Variants in ARFIP1 observed in about 807,000 individuals in gnomAD.
ARFIP1 encodes arfaptin-1.
Under a neutral mutation model 42.5 loss-of-function variants are expected in ARFIP1, and 24 were observed. The observed-to-expected ratio is 0.57, with a 90% confidence interval of 0.41 to 0.80. ARFIP1 has a LOEUF of 0.80. ARFIP1 is among the 30% of genes least tolerant of loss of function. ARFIP1 has a pLI of 0.00. For synonymous variants in ARFIP1, 141 were observed against 153.7 expected (o/e 0.92, Z 0.61); for missense variants, 354 against 434.0 (o/e 0.82, Z 1.64).
In ARFIP1 at chr4:152,910,188, T is replaced by C. The variant is rs1204943247; in HGVS notation, c.1091T>C (p.Val364Ala). Residue 364 changes from valine (V) to alanine (A), a missense_variant, in exon 9 of 9, where the codon GTG becomes GCG. By Grantham distance (64) the Val-to-Ala change is moderately conservative (BLOSUM62 0). Transcript: ENST00000353617. ...CATATCAAATTGAAAACCCCTGGAG[T>C]GGATGCCCCATCTTGGCTTGAAGAA... The part of the protein sequence containing the change: ...QFHIKLKTPG[V>A]DAPSWLEEQ 2 of 1,612,570 alleles carry C rather than the reference T, an allele frequency of 1.2e-6. No individual in the cohort carries two copies. Among genetic ancestry groups the C allele is most frequent in the Non-Finnish European group, 1.7e-6 (2 of 1,179,534 alleles).
At chr4:152,831,939 C>A (rs1008318544) in intron 2 of ARFIP1, among the ~76,000 whole-genome samples, 1 of 151,408 alleles carries the variant, frequency 6.6e-6, no homozygotes, top group Non-Finnish European at 1.5e-5. Context: ...TTGCCCCCCA[C>A]CCCCCGAGTA....
At chr4:152,804,500 A>T (rs553039912) in intron 1 of ARFIP1, among the ~76,000 whole-genome samples, 1,402 of 121,478 alleles carry the variant, frequency 0.012, 44 homozygotes, top group African/African-American at 0.042. Context: ...ATATATATAT[A>T]ATATATATAT....
intron 2 of ARFIP1, among the ~76,000 whole-genome samples, chr4:152,846,897 CTG>C (rs1159839997): frequency 6.8e-6 from 1 of 146,110 alleles, no homozygotes; most frequent in African/African-American, 2.5e-5. Context: ...GCTGGTGTCA[CTG>C]TGGCACAGGC....
chr4:152,822,688 T>C (rs960177591), intron 1 of ARFIP1, among the ~76,000 whole-genome samples: 1 of 152,190 alleles, frequency 6.6e-6, no homozygotes, highest in Non-Finnish European at 1.5e-5. Context: ...AATAATTTTT[T>C]AAAAATCAGA....
chr4:152,847,673 A>C (rs1422798962), intron 2 of ARFIP1, among the ~76,000 whole-genome samples: 1 of 152,144 alleles, frequency 6.6e-6, no homozygotes, highest in Non-Finnish European at 1.5e-5. Flanking sequence ...CTGATTTGTA[A>C]ACTGTGTGTA....
At chr4:152,903,032 T>C (rs1311470909) in intron 8 of ARFIP1, among the ~76,000 whole-genome samples, 2 of 152,262 alleles carry the variant, frequency 1.3e-5, no homozygotes, top group Non-Finnish European at 2.9e-5. Flanking sequence ...ATTCCTTTTC[T>C]AATACTACTT....
chr4:152,845,508 C>CAA (rs746486010), intron 2 of ARFIP1, among the ~76,000 whole-genome samples: 2 of 151,752 alleles, frequency 1.3e-5, no homozygotes, highest in African/African-American at 4.8e-5. Flanking sequence ...ATTGAACAAG[C>CAA]AAAAAACAAC....
chr4:152,816,923 A>G lies in ARFIP1; in HGVS notation c.-9-12702A>G, dbSNP rs551315738. ...TGTTATCGTACAAGATTTAGCTTAA[A>G]TGTTACCTCTGTTAAGTTTTTCATC... On this transcript the variant is annotated intron_variant, in intron 1 of 8. Coordinates refer to ENST00000353617, the MANE Select transcript of ARFIP1 (RefSeq NM_001025595.3). Among the ~76,000 whole-genome samples, 3 of 152,298 alleles carry G rather than the reference A, an allele frequency of 2.0e-5. 1 individual carries two copies. The South Asian group carries it at 6.2e-4, about 32-fold the overall frequency.
At chr4:152,813,505 A>G (rs1314952813) in intron 1 of ARFIP1, among the ~76,000 whole-genome samples, 1 of 151,970 alleles carries the variant, frequency 6.6e-6, no homozygotes, top group Admixed American at 6.6e-5. Flanking sequence ...AATGTTGATT[A>G]TTGGAATATT....
chr4:152,881,196 C>G lies in ARFIP1; in HGVS notation c.633+12C>G. The G allele has an allele frequency of 6.4e-7, 1 of 1,563,116 alleles. No individual in the cohort carries two copies. The stretch of plus-strand genomic sequence containing the variant: ...CACTAGAACTTCATGTAAGATTATT[C>G]TAAATAACTATTAGGGATGGGAGAA... On this transcript the variant is annotated intron_variant, in intron 6 of 8. Transcript: ENST00000353617.
In ARFIP1 at chr4:152,888,152, C is replaced by T. The variant is rs776711621; in HGVS notation, c.811C>T (p.Arg271Cys). The T allele has an allele frequency of 9.9e-6, 16 of 1,608,306 alleles. No individual in the cohort carries two copies. The highest frequency in any genetic ancestry group is 1.3e-5 in the Non-Finnish European group (15 of 1,177,896). Residue 271 changes from arginine (R) to cysteine (C), a missense_variant, in exon 8 of 9, where the codon CGC (arginine) becomes TGC (cysteine). Arg to Cys is a radical substitution (Grantham distance 180, BLOSUM62 -3). Coordinates refer to ENST00000353617, the MANE Select transcript of ARFIP1 (RefSeq NM_001025595.3). ...ESARIEYDAY[R>C]TDLEELNLGP... is the part of the protein sequence containing the mutation. ...TTCCAGGATTGAATATGATGCATATCGCACTGATTTGGAAGAACTGAATCT... is the reference window on the plus strand; with the variant it reads ...TTCCAGGATTGAATATGATGCATATTGCACTGATTTGGAAGAACTGAATCT...
intron 1 of ARFIP1, among the ~76,000 whole-genome samples, chr4:152,782,656 A>G (rs1561091598): frequency 6.6e-6 from 1 of 152,236 alleles, no homozygotes; most frequent in Admixed American, 6.5e-5. Context: ...AAAACAAACA[A>G]GATGTTTCAG....
intron 1 of ARFIP1, among the ~76,000 whole-genome samples, chr4:152,819,216 C>T (rs377528198): frequency 8.7e-4 from 132 of 152,270 alleles, no homozygotes; most frequent in East Asian, 5.0e-3. Flanking sequence ...GGCACAGCCC[C>T]GTTACAGCAT....
At chr4:152,908,347 C>CGGGCACGGTGACTCACGCCT (rs961452880) in intron 8 of ARFIP1, among the ~76,000 whole-genome samples, 1 of 152,096 alleles carries the variant, frequency 6.6e-6, no homozygotes, top group Non-Finnish European at 1.5e-5. Context: ...AATATTAGGC[C>CGGGCACGGTGACTCACGCCT]GGGCACGGTG....
Position 152,842,858 on chromosome 4 carries a change from C to T in ARFIP1, c.93+13132C>T, listed in dbSNP as rs142925950. Among the ~76,000 whole-genome samples the T allele has an allele frequency of 6.1e-3, 926 of 151,804 alleles. 13 individuals are homozygous for T. The highest frequency in any genetic ancestry group is 0.021 in the African/African-American group (884 of 41,402). On this transcript the variant is annotated intron_variant, in intron 2 of 8. Coordinates refer to ENST00000353617, the MANE Select transcript of ARFIP1 (RefSeq NM_001025595.3). ...TTTTGGATTTCCTTGCATTGGTCTT[C>T]GCATTTCTCTGGTCCCTCCCTGGTT...
chr4:152,849,251 T>C (rs1397164753), intron 2 of ARFIP1, among the ~76,000 whole-genome samples: 4 of 152,088 alleles, frequency 2.6e-5, no homozygotes, highest in Non-Finnish European at 2.9e-5. Context: ...CCCTTATTTA[T>C]AAACAAAAGC....
chr4:152,866,615 G>A (rs562114129), intron 3 of ARFIP1, among the ~76,000 whole-genome samples: 69 of 151,896 alleles, frequency 4.5e-4, no homozygotes, highest in Non-Finnish European at 7.8e-4. Flanking sequence ...TCTCCTGGAC[G>A]GGGCGGCTGT....
intron 8 of ARFIP1, among the ~76,000 whole-genome samples, chr4:152,894,572 G>C (rs1737154488): frequency 6.6e-6 from 1 of 152,008 alleles, no homozygotes; most frequent in Non-Finnish European, 1.5e-5. Flanking sequence ...GTGCTCCTAG[G>C]GAAAGTGAGA....
At position 152,864,605 on chromosome 4, in the gene ARFIP1, G is replaced by C. The variant is rs144088462; in HGVS notation, c.202+891G>C. On this transcript the variant is annotated intron_variant, in intron 3 of 8. Coordinates refer to ENST00000353617, the MANE Select transcript of ARFIP1 (RefSeq NM_001025595.3). ...AAACTCCATGCTTGGGATTTTTACT[G>C]GGGGCTGATCACATAGGTTTCTCCA... is the stretch of plus-strand genomic sequence containing the variant. Among the ~76,000 whole-genome samples the C allele has an allele frequency of 5.3e-3, 813 of 152,262 alleles. 9 individuals carry two copies. Among genetic ancestry groups the C allele is most frequent in the African/African-American group, 0.019 (781 of 41,536 alleles).
Sources: gnomAD v4.1 joint callset for allele counts (sites outside exome capture counted in the v4.1 genomes callset) on GRCh38, gnomAD v4.1.1 for gene constraint, MANE v1.5 for transcripts, NCBI Gene and HGNC (gene_info 2026-07-23, HGNC 2026-07-21) for gene names.